The following NXNL2 variants were observed in gnomAD, a reference collection of about 807,000 sequenced individuals.
The protein encoded by NXNL2 is nucleoredoxin like 2.
NXNL2 carries 7 observed loss-of-function variants against 11.1 expected under a neutral mutation model. That is an observed-to-expected ratio of 0.63 (90% confidence interval 0.36 to 1.18). The LOEUF is 1.18. Ranked by LOEUF, NXNL2 falls within the 50% of genes most tolerant of loss-of-function variation. The pLI, the probability that NXNL2 is intolerant of heterozygous loss-of-function variation, is 0.02. For missense variants in NXNL2, 233 were observed against 217.7 expected, an observed-to-expected ratio of 1.07 and a Z score of -0.44; for synonymous variants, 109 against 101.8, an observed-to-expected ratio of 1.07 and a Z score of -0.42.
chr9:88,547,671 T>G (rs2118443004), downstream of NXNL2, among the ~76,000 whole-genome samples: 1 of 152,318 alleles, frequency 6.6e-6, no homozygotes, highest in African/African-American at 2.4e-5. Flanking sequence ...CTATCTAGAA[T>G]CTTTGAGCCA....
At chr9:88,571,071 CTTTT>C in intron 1 of NXNL2, 5 of 354,150 alleles carry the variant, frequency 1.4e-5, no homozygotes, top group Admixed American at 9.6e-5. Flanking sequence ...GCTTTCTTTT[CTTTT>C]TTTTTTTTCA....
chr9:88,571,062 CTTTCT>C lies in NXNL2; in HGVS notation c.303-16_303-12del, dbSNP rs1418500388. The C allele has an allele frequency of 2.3e-5, 9 of 391,584 alleles. No homozygotes were observed. The East Asian group carries it at 3.5e-4, about 15-fold the overall frequency. 24.3% of individuals were successfully genotyped at this position (391,584 alleles called of 1,614,324 possible). ...CCAGGTCCCCAATACTGTTTTGATG[CTTTCT>C]TTTCTTTTTTTTTTTTCAGACGGAG... On this transcript the variant is annotated intron_variant, in intron 1 of 2. Coordinates refer to the NXNL2 transcript ENST00000375855.
downstream of NXNL2, among the ~76,000 whole-genome samples, chr9:88,576,984 C>G (rs1464981004): frequency 6.6e-6 from 1 of 152,094 alleles, no homozygotes; most frequent in Non-Finnish European, 1.5e-5. Context: ...GGTCCCAGCT[C>G]CCAACTCCCA....
downstream of NXNL2, among the ~76,000 whole-genome samples, chr9:88,548,210 G>A (rs551326740): frequency 2.7e-5 from 4 of 149,970 alleles, no homozygotes; most frequent in Admixed American, 2.7e-4. Context: ...GTGGTGGCAG[G>A]TGCCTGTAAT....
downstream of NXNL2, among the ~76,000 whole-genome samples, chr9:88,545,333 G>T (rs531962420): frequency 6.6e-6 from 1 of 152,112 alleles, no homozygotes; most frequent in Non-Finnish European, 1.5e-5. Context: ...TCTTGCTGGC[G>T]GTCTTTCCTG....
At chr9:88,581,754 C>G (rs888295671) in intron 1 of NXNL2, among the ~76,000 whole-genome samples, 1 of 152,228 alleles carries the variant, frequency 6.6e-6, no homozygotes, top group Admixed American at 6.5e-5. Flanking sequence ...CTGCACCCGG[C>G]TGCAACCACT....
At chr9:88,545,699 A>G (rs73487873), downstream of NXNL2, among the ~76,000 whole-genome samples, 10,024 of 152,116 alleles carry the variant, frequency 0.066, 1,179 homozygotes, top group African/African-American at 0.23. Context: ...CGTGCCCCAA[A>G]TAAGTCATGT....
At chr9:88,575,292 T>G (rs1218714558) in exon 3 of NXNL2, 1 of 311,308 alleles carries the variant, frequency 3.2e-6, no homozygotes, top group Non-Finnish European at 4.7e-6. Flanking sequence ...ATTGAAGAGG[T>G]ATCTGCACCC....
At chr9:88,577,623 AAGAG>A (rs5899044), downstream of NXNL2, among the ~76,000 whole-genome samples, 193 of 149,496 alleles carry the variant, frequency 1.3e-3, no homozygotes, top group African/African-American at 3.1e-3. Flanking sequence ...TGGAGAGAGA[AAGAG>A]AGAGAGAGAG....
At position 88,535,631 on chromosome 9, in the gene NXNL2, A is replaced by C. The variant is rs141815425; in HGVS notation, c.197A>C (p.Glu66Ala). Reference protein sequence around the residue: ...VAEARRPAPFEVVFVSADGSS... With the variant: ...VAEARRPAPFAVVFVSADGSS... ...GAGGCGCGGCGGCCCGCGCCCTTCG[A>C]AGTGGTCTTCGTGTCAGCCGACGGC... Residue 66 changes from glutamate (E) to alanine (A), a missense_variant, in exon 1 of 2, where the codon GAA (glutamate) becomes GCA (alanine). Transcript: ENST00000375854. The C allele has an allele frequency of 4.4e-6, 7 of 1,608,886 alleles. No homozygotes were observed. In the African/African-American group the frequency reaches 6.7e-5, roughly 15 times the overall value.
intron 1 of NXNL2, among the ~76,000 whole-genome samples, chr9:88,543,423 C>T (rs912017799): frequency 2.6e-5 from 4 of 152,050 alleles, no homozygotes; most frequent in South Asian, 2.1e-4. Flanking sequence ...CATGCTACCA[C>T]GCCTAGCTAA....
At chr9:88,536,660 C>T (rs770225873) in intron 1 of NXNL2, among the ~76,000 whole-genome samples, 7 of 152,192 alleles carry the variant, frequency 4.6e-5, no homozygotes, top group Non-Finnish European at 1.0e-4. Flanking sequence ...CATGAGATGA[C>T]ATTCCTTCTG....
At chr9:88,562,322 C>A (rs756931808) in intron 1 of NXNL2, among the ~76,000 whole-genome samples, 1 of 151,862 alleles carries the variant, frequency 6.6e-6, no homozygotes, top group Non-Finnish European at 1.5e-5. Context: ...CGGCTGGGGG[C>A]GGCTGGGAGT....
At chr9:88,564,057 A>G (rs2118506107) in intron 1 of NXNL2, among the ~76,000 whole-genome samples, 1 of 152,086 alleles carries the variant, frequency 6.6e-6, no homozygotes, top group African/African-American at 2.4e-5. Context: ...CTAAAAATAA[A>G]AAAATTAGCT....
At chr9:88,578,333 C>T (rs1830370346), downstream of NXNL2, among the ~76,000 whole-genome samples, 1 of 152,218 alleles carries the variant, frequency 6.6e-6, no homozygotes, top group South Asian at 2.1e-4. Flanking sequence ...GCAGTCCCTG[C>T]CGGTCCTGGA....
At chr9:88,562,977 A>C (rs990318442) in intron 1 of NXNL2, among the ~76,000 whole-genome samples, 1 of 151,452 alleles carries the variant, frequency 6.6e-6, no homozygotes, top group African/African-American at 2.4e-5. Context: ...AGTCCCAGCT[A>C]CTCGGGAGGC....
At chr9:88,566,989 T>TA (rs1830181708) in intron 1 of NXNL2, among the ~76,000 whole-genome samples, 1 of 149,408 alleles carries the variant, frequency 6.7e-6, no homozygotes, top group South Asian at 2.2e-4. Flanking sequence ...TCTATCTATC[T>TA]ATCTATCTAT....
intron 1 of NXNL2, among the ~76,000 whole-genome samples, chr9:88,541,156 C>A (rs1829752443): frequency 6.9e-6 from 1 of 145,276 alleles, no homozygotes. Flanking sequence ...TGTCACCCAC[C>A]AGTGTCCCCT....
intron 1 of NXNL2, among the ~76,000 whole-genome samples, chr9:88,553,505 C>T (rs536951831): frequency 2.0e-5 from 3 of 152,200 alleles, no homozygotes; most frequent in Non-Finnish European, 4.4e-5. Context: ...TGCTACATAG[C>T]GTGTTGCAGC....
Sources: gnomAD v4.1 joint callset for allele counts (sites outside exome capture counted in the v4.1 genomes callset) on GRCh38, gnomAD v4.1.1 for gene constraint, MANE v1.5 for transcripts, NCBI Gene and HGNC (gene_info 2026-07-23, HGNC 2026-07-21) for gene names.